Variants in DNPEP observed in about 807,000 individuals in gnomAD.
DNPEP encodes aspartyl aminopeptidase.
In DNPEP, 46 loss-of-function variants were observed where a neutral mutation model predicts 59.1. That is an observed-to-expected ratio of 0.78 (90% CI 0.61 to 0.99). The LOEUF is 0.99. DNPEP is among the 50% of genes least tolerant of loss of function. DNPEP has a pLI of 0.00. For missense variants in DNPEP, 617 were observed against 649.9 expected (o/e 0.95, Z 0.55); for synonymous variants, 229 against 242.2 (o/e 0.95, Z 0.50).
In DNPEP at chr2:219,374,909, A is replaced by G; in HGVS notation, c.1353T>C (p.Ser451=). The change falls in exon 14 of 15, where the codon TCT becomes TCC. Residue 451 remains serine, a synonymous_variant. Coordinates refer to ENST00000273075, the MANE Select transcript of DNPEP (RefSeq NM_012100.4). ...DLGSPQLAMH[S]IREMACTTGV... is the part of the protein sequence containing the mutation. ...CTGTGGTGCAGGCCATCTCCCGGATAGAGTGCATGGCCAGTTGGGGGCTGC... is the reference window on the plus strand; with the variant it reads ...CTGTGGTGCAGGCCATCTCCCGGATGGAGTGCATGGCCAGTTGGGGGCTGC... 6.2e-7 allele frequency: 1 copy of G among 1,614,196 alleles called. No homozygotes were observed. Among genetic ancestry groups the G allele is most frequent in the Non-Finnish European group, 8.5e-7 (1 of 1,180,028 alleles).
intron 14 of DNPEP, 150 bp from the exon 15 acceptor site, chr2:219,374,492 T>A: frequency 1.4e-6 from 1 of 713,524 alleles, no homozygotes; most frequent in East Asian, 2.7e-5. Context: ...TCAGCCCTGA[T>A]CCCCTCTTCC....
chr2:219,375,476 T>G (rs1454836160), intron 13 of DNPEP, among the ~76,000 whole-genome samples: 2 of 151,990 alleles, frequency 1.3e-5, no homozygotes, highest in East Asian at 3.9e-4. Context: ...ATCAAATAGG[T>G]AGTAACTATT....
chr2:219,386,884 C>T lies in DNPEP; in HGVS notation c.219+8G>A. 6.2e-7 allele frequency: 1 copy of T among 1,613,112 alleles called. No individual in the cohort carries two copies. The highest frequency in any genetic ancestry group is 8.5e-7 in the Non-Finnish European group (1 of 1,179,110). On this transcript the variant is annotated splice_region_variant and intron_variant, in intron 3 of 14. Coordinates refer to ENST00000273075, the MANE Select transcript of DNPEP (RefSeq NM_012100.4). ...CCTGCCTTTCCACCCCCACCCCACC[C>T]CCAGTACCTTGCTCTCGGGCTTAAT...
At chr2:219,391,355 GATT>G (rs772808111), upstream of DNPEP, among the ~76,000 whole-genome samples, 5 of 152,158 alleles carry the variant, frequency 3.3e-5, no homozygotes, top group Non-Finnish European at 5.9e-5. Context: ...CCCCGTGGCC[GATT>G]TCAAGCTGTC....
intron 6 of DNPEP, 23 bp from the exon 7 acceptor site, chr2:219,385,729 G>C: frequency 6.3e-7 from 1 of 1,582,150 alleles, no homozygotes; most frequent in Non-Finnish European, 8.6e-7. Flanking sequence ...GTGGGTTGTG[G>C]GGGGATTGCG....
rs1480489580 is a variant in DNPEP, at chr2:219,374,345, A to G, written c.1408-3T>C. The G allele has an allele frequency of 3.7e-6, 6 of 1,613,858 alleles. No homozygotes were observed. The East Asian group carries it at 6.7e-5, about 18-fold the overall frequency. ...GAAGGGAACAGCTCAAAGAAGCCCT[A>G]TAATGGGAGGCAACATGGAGTTTGG... On this transcript the variant is annotated splice_polypyrimidine_tract_variant and splice_region_variant and intron_variant, in intron 14 of 14. Coordinates refer to ENST00000273075, the MANE Select transcript of DNPEP (RefSeq NM_012100.4).
At chr2:219,384,940 T>C (rs1039540965) in intron 8 of DNPEP, 1 of 162,310 alleles carries the variant, frequency 6.2e-6, no homozygotes, top group African/African-American at 2.4e-5. Flanking sequence ...CCTCTTCCTG[T>C]GGGTCAAGAA....
At chr2:219,393,528 C>T (rs2385587), upstream of DNPEP, 77,483 of 152,250 alleles carry the variant, frequency 0.51, 24,060 homozygotes, top group South Asian at 0.72. Context: ...GATCCATCTG[C>T]CTTGGCCTCC....
In DNPEP at chr2:219,386,647, ACCGT is replaced by A. The variant is rs1953850495; in HGVS notation, c.333+14_333+17del. 1 of 1,599,620 alleles carries A rather than the reference ACCGT, an allele frequency of 6.3e-7. No individual in the cohort carries two copies. The highest frequency in any genetic ancestry group is 2.2e-5 in the East Asian group (1 of 44,576). On this transcript the variant is annotated intron_variant, in intron 4 of 14. Transcript: ENST00000273075. ...CTCTGACATCTCCTCCCACCCCAACACCGTCCGAGTTCCTTACCCGGAGGCAGGG... is the reference window on the plus strand; with the variant it reads ...CTCTGACATCTCCTCCCACCCCAACACCGAGTTCCTTACCCGGAGGCAGGG...
intron 4 of DNPEP, 94 bp downstream of exon 4, chr2:219,386,571 G>A (rs2125142628): frequency 6.9e-7 from 1 of 1,443,892 alleles, no homozygotes; most frequent in East Asian, 2.3e-5. Flanking sequence ...CTTACTCCAG[G>A]GGATAGAGGC....
At chr2:219,387,556 G>T (rs1344970124) in intron 1 of DNPEP, 84 of 1,351,852 alleles carry the variant, frequency 6.2e-5, no homozygotes, top group Non-Finnish European at 7.6e-5. Flanking sequence ...GGAGCACCCT[G>T]ACTCCTCTCT....
upstream of DNPEP, among the ~76,000 whole-genome samples, chr2:219,391,872 TAA>T (rs5838738): frequency 2.9e-5 from 4 of 138,596 alleles, no homozygotes; most frequent in African/African-American, 8.3e-5. Context: ...TAGCAGTTCA[TAA>T]AAAAAAAAAA....
At position 219,374,192 on chromosome 2, in the gene DNPEP, A is replaced by C; in HGVS notation, c.*100T>G. The C allele has an allele frequency of 8.8e-7, 1 of 1,138,636 alleles. No homozygotes were observed. The highest frequency in any genetic ancestry group is 1.3e-6 in the Non-Finnish European group (1 of 755,230). The allele number at this position is 1,138,636 out of a possible 1,614,324, so 70.5% of individuals were successfully genotyped here. On this transcript the variant is annotated 3_prime_UTR_variant, in exon 15 of 15. Coordinates refer to ENST00000273075, the MANE Select transcript of DNPEP (RefSeq NM_012100.4). ...GTCTCCAAATAAGCGTAGCACGGAGAGTCTGAGTGACAATCCACTTTAATA... is the reference window on the plus strand; with the variant it reads ...GTCTCCAAATAAGCGTAGCACGGAGCGTCTGAGTGACAATCCACTTTAATA...
At chr2:219,386,218 G>A (rs527251540) in intron 5 of DNPEP, 68 bp downstream of exon 5, 29 of 1,611,440 alleles carry the variant, frequency 1.8e-5, no homozygotes, top group African/African-American at 1.5e-4. Flanking sequence ...TCTTCCCCAC[G>A]GGTACCCTGA....
Position 219,374,234 on chromosome 2 carries a change from G to T in DNPEP, c.*58C>A. The T allele has an allele frequency of 2.0e-6, 3 of 1,474,748 alleles. No individual in the cohort carries two copies. The highest frequency in any genetic ancestry group is 2.8e-6 in the Non-Finnish European group (3 of 1,053,594). The allele number at this position is 1,474,748 out of a possible 1,614,324, so 91.4% of individuals were successfully genotyped here. A position where few individuals can be genotyped will look rare whatever the true frequency, so the allele number is the denominator to read the frequency against. ...ACTTTAATAATCCAGCTTCAGCTCAGCTGAGAACTTCCCCTCTCAGGTGCA... is the reference window on the plus strand; with the variant it reads ...ACTTTAATAATCCAGCTTCAGCTCATCTGAGAACTTCCCCTCTCAGGTGCA... On this transcript the variant is annotated 3_prime_UTR_variant, in exon 15 of 15. Coordinates refer to ENST00000273075, the MANE Select transcript of DNPEP (RefSeq NM_012100.4).
rs552560162 is a variant in DNPEP at position 219,386,205 on chromosome 2, C to T, written c.459+81G>A. ...GGTCCTCTGACCAGACTGCCCCCAC[C>T]CCTCTTCCCCACGGGTACCCTGAGG... On this transcript the variant is annotated intron_variant, in intron 5 of 14. Coordinates refer to ENST00000273075, the MANE Select transcript of DNPEP (RefSeq NM_012100.4). 26 of 1,610,346 alleles carry T rather than the reference C, an allele frequency of 1.6e-5. No individual in the cohort carries two copies. The South Asian group carries it at 2.8e-4, about 17-fold the overall frequency.
At chr2:219,384,809 T>C (rs1953742838) in intron 8 of DNPEP, 1 of 202,714 alleles carries the variant, frequency 4.9e-6, no homozygotes, top group Admixed American at 5.7e-5. Flanking sequence ...CCTCATGTGA[T>C]TCCCCCCGCC....
In DNPEP at chr2:219,374,901, TCCCGGATAGAGTGCATGG is replaced by T. The variant is rs1469604208; in HGVS notation, c.1343_1360del (p.Ala448_Arg453del). 8 of 1,614,082 alleles carry T rather than the reference TCCCGGATAGAGTGCATGG, an allele frequency of 5.0e-6. No homozygotes were observed. Among genetic ancestry groups the T allele is most frequent in the Non-Finnish European group, 5.9e-6 (7 of 1,180,034 alleles). On this transcript the variant is annotated inframe_deletion, in exon 14 of 15. Coordinates refer to ENST00000273075, the MANE Select transcript of DNPEP (RefSeq NM_012100.4). ...GAGGACTCCTGTGGTGCAGGCCATC[TCCCGGATAGAGTGCATGG>T]CCAGTTGGGGGCTGCCTAAATCCAG... is the stretch of plus-strand genomic sequence containing the variant.
chr2:219,381,525 G>A lies in DNPEP; in HGVS notation c.1137+20C>T. 6.2e-7 allele frequency: 1 copy of A among 1,614,202 alleles called. No individual in the cohort carries two copies. The highest frequency in any genetic ancestry group is 8.5e-7 in the Non-Finnish European group (1 of 1,180,012). On this transcript the variant is annotated intron_variant, in intron 12 of 14. Transcript: ENST00000273075. ...AACAGCCAGACCTCCAAGTCCCTAG[G>A]GAGAAATGGCACGTCTCACCTTGTG...
Sources: allele counts gnomAD v4.1 joint callset (sites outside exome capture counted in the v4.1 genomes callset), GRCh38; gene constraint gnomAD v4.1.1; transcripts MANE v1.5; gene names NCBI Gene and HGNC (gene_info 2026-07-23, HGNC 2026-07-21).